Variants in PLBD1 observed in about 807,000 individuals in gnomAD.
The protein encoded by PLBD1 is lysosomal leucine aminopeptidase.
A neutral mutation model predicts 63.0 loss-of-function variants in PLBD1; 60 were observed. The ratio of observed to expected loss-of-function variants is 0.95; its 90% CI spans 0.77 to 1.18. PLBD1 has a LOEUF of 1.18. Among genes scored for constraint, PLBD1 ranks in the 50% most tolerant of loss-of-function variants. The pLI, the probability that PLBD1 is intolerant of heterozygous loss-of-function variation, is 0.00. For missense variants in PLBD1, 598 were observed against 677.9 expected, an observed-to-expected ratio of 0.88 and a Z score of 1.31; for synonymous variants, 262 against 248.0, an observed-to-expected ratio of 1.06 and a Z score of -0.53.
At chr12:14,530,288 G>C (rs957398349) in intron 6 of PLBD1, 6 of 152,180 alleles carry the variant, frequency 3.9e-5, no homozygotes, top group Non-Finnish European at 8.8e-5. Flanking sequence ...TAAGCTATCA[G>C]AGATTTTAGC....
At chr12:14,542,127 G>C in intron 3 of PLBD1, 81 bp downstream of exon 3, 1 of 1,210,032 alleles carries the variant, frequency 8.3e-7, no homozygotes, top group Non-Finnish European at 1.2e-6. Context: ...AAAGAAATTG[G>C]CAAAAAATTG....
intron 8 of PLBD1, among the ~76,000 whole-genome samples, chr12:14,507,973 C>G (rs1945268981): frequency 6.6e-6 from 1 of 152,234 alleles, no homozygotes; most frequent in African/African-American, 2.4e-5. Context: ...TCCACATTCT[C>G]TCCTGGCCCT....
rs936226623 is a variant in PLBD1, at chr12:14,536,766, G to C, written c.559-56C>G. The C allele has an allele frequency of 1.9e-6, 3 of 1,594,754 alleles. No individual in the cohort carries two copies. The Admixed American group carries it at 5.1e-5, about 27-fold the overall frequency. ...CGTTTTGTGACAGACATCATTTCCT[G>C]TTTTCCTCTTGTTAGGGACCCATTA... On this transcript the variant is annotated intron_variant, in intron 4 of 10. Coordinates refer to ENST00000240617, the MANE Select transcript of PLBD1 (RefSeq NM_024829.6).
intron 9 of PLBD1, 133 bp from the exon 10 acceptor site, chr12:14,506,401 T>A: frequency 1.6e-6 from 1 of 633,270 alleles, no homozygotes; most frequent in Non-Finnish European, 2.7e-6. Flanking sequence ...CAGCCCAGTC[T>A]GCTTCCAGAT....
At chr12:14,535,922 G>A (rs1441142660) in intron 5 of PLBD1, 119 bp from the exon 6 acceptor site, 1 of 1,023,762 alleles carries the variant, frequency 9.8e-7, no homozygotes, top group Non-Finnish European at 1.4e-6. Flanking sequence ...TTGCTATACT[G>A]ATTATTGGAA....
intron 6 of PLBD1, chr12:14,531,014 G>A (rs909382978): frequency 6.6e-6 from 1 of 151,850 alleles, no homozygotes; most frequent in African/African-American, 2.4e-5. Flanking sequence ...TTGTTGTTTT[G>A]TTGTTGTTTG....
At chr12:14,565,449 A>G (rs371078287) in intron 1 of PLBD1, among the ~76,000 whole-genome samples, 4 of 152,194 alleles carry the variant, frequency 2.6e-5, no homozygotes, top group African/African-American at 9.6e-5. Context: ...TGGGGGGAAA[A>G]TAAAAATAAT....
intron 6 of PLBD1, among the ~76,000 whole-genome samples, chr12:14,512,339 G>A (rs934381892): frequency 3.9e-5 from 6 of 151,954 alleles, no homozygotes; most frequent in African/African-American, 4.8e-5. Context: ...AGTAGAGACC[G>A]GGTTTCACCG....
At chr12:14,513,780 G>GTTT (rs1237327068) in intron 6 of PLBD1, among the ~76,000 whole-genome samples, 6 of 140,416 alleles carry the variant, frequency 4.3e-5, no homozygotes, top group Admixed American at 7.2e-5. Flanking sequence ...CTAACTCTTA[G>GTTT]TTTTTTTTTT....
At position 14,520,617 on chromosome 12, in the gene PLBD1, C is replaced by T. The variant is rs116158536; in HGVS notation, c.845-8906G>A. On this transcript the variant is annotated intron_variant, in intron 6 of 10. Transcript: ENST00000240617. ...TCCAAAGGAGAACACTAAAGTGTTC[C>T]GAAGGAGTACAATAAGGGAGGGGCA... is the stretch of plus-strand genomic sequence containing the variant. 7.7e-3 allele frequency among the ~76,000 whole-genome samples: 1,173 copies of T among 152,120 alleles called. 17 individuals are homozygous for T. Among genetic ancestry groups the T allele is most frequent in the African/African-American group, 0.026 (1,093 of 41,480 alleles).
intron 5 of PLBD1, 159 bp from the exon 6 acceptor site, chr12:14,535,962 T>TA: frequency 1.5e-6 from 1 of 664,162 alleles, no homozygotes; most frequent in Non-Finnish European, 2.5e-6. Flanking sequence ...GATTAACCTT[T>TA]AATGTGGCCC....
At chr12:14,533,866 C>T (rs769320424) in intron 6 of PLBD1, among the ~76,000 whole-genome samples, 2 of 152,132 alleles carry the variant, frequency 1.3e-5, no homozygotes, top group Non-Finnish European at 2.9e-5. Flanking sequence ...TGATAGGGGC[C>T]GGACATGATT....
intron 8 of PLBD1, among the ~76,000 whole-genome samples, chr12:14,508,070 C>T (rs989095579): frequency 6.6e-6 from 1 of 152,192 alleles, no homozygotes; most frequent in Non-Finnish European, 1.5e-5. Flanking sequence ...ATAAGACATT[C>T]AGCCTTGCTA....
At chr12:14,563,400 C>G (rs1260667338) in intron 1 of PLBD1, among the ~76,000 whole-genome samples, 1 of 152,082 alleles carries the variant, frequency 6.6e-6, no homozygotes, top group Admixed American at 6.6e-5. Context: ...ATGCCTGTAT[C>G]CCAGTTACTC....
At chr12:14,528,988 TAAA>T (rs1297815068) in intron 6 of PLBD1, among the ~76,000 whole-genome samples, 4 of 152,148 alleles carry the variant, frequency 2.6e-5, no homozygotes, top group Non-Finnish European at 2.9e-5. Flanking sequence ...TTTCAACAAA[TAAA>T]AACCTTCATA....
intron 2 of PLBD1, among the ~76,000 whole-genome samples, chr12:14,545,822 T>C (rs1246235534): frequency 6.6e-6 from 1 of 152,242 alleles, no homozygotes; most frequent in East Asian, 1.9e-4. Flanking sequence ...AGATTTTTTT[T>C]TCAAATTACC....
chr12:14,507,366 T>C (rs1212297363), intron 8 of PLBD1, among the ~76,000 whole-genome samples: 1 of 152,236 alleles, frequency 6.6e-6, no homozygotes, highest in Non-Finnish European at 1.5e-5. Context: ...CAGAATTCTC[T>C]GGTTTTCACC....
intron 2 of PLBD1, among the ~76,000 whole-genome samples, chr12:14,547,412 G>A (rs1180375577): frequency 6.6e-6 from 1 of 152,128 alleles, no homozygotes; most frequent in Non-Finnish European, 1.5e-5. Context: ...CTGTGTGGCA[G>A]AGCAATGTAG....
At chr12:14,560,940 A>C (rs557517257) in intron 1 of PLBD1, among the ~76,000 whole-genome samples, 1 of 152,036 alleles carries the variant, frequency 6.6e-6, no homozygotes, top group Non-Finnish European at 1.5e-5. Context: ...ACCTGCTCCC[A>C]TACTACAAAG....
Sources: gnomAD v4.1 joint callset for allele counts (sites outside exome capture counted in the v4.1 genomes callset) on GRCh38, gnomAD v4.1.1 for gene constraint, MANE v1.5 for transcripts, NCBI Gene and HGNC (gene_info 2026-07-23, HGNC 2026-07-21) for gene names.